Variants in STRN observed in about 807,000 individuals in gnomAD.
STRN encodes the protein striatin, also known as protein phosphatase 2 regulatory subunit B'''alpha.
A neutral mutation model predicts 96.3 loss-of-function variants in STRN; 53 were observed. The ratio of observed to expected loss-of-function variants is 0.55; its 90% CI spans 0.44 to 0.69. STRN has a LOEUF of 0.69. STRN is among the 30% of genes least tolerant of loss of function. STRN has a pLI of 0.00. For synonymous variants in STRN, 428 were observed against 355.9 expected (o/e 1.20, Z -2.28); for missense variants, 987 against 963.9 (o/e 1.02, Z -0.32).
chr2:36,846,232 C>T lies in STRN; in HGVS notation c.*3224G>A, dbSNP rs575671128. 6.7e-6 allele frequency: 1 copy of T among 149,942 alleles called. No homozygotes were observed. Among genetic ancestry groups the T allele is most frequent in the African/African-American group, 2.5e-5 (1 of 40,750 alleles). 9.3% of individuals were successfully genotyped at this position (149,942 alleles called of 1,614,324 possible). ...CAGTCTTTAAAACAAGCATGCTAGC[C>T]TATAATGAATATTGTATATACAGTA... On this transcript the variant is annotated 3_prime_UTR_variant, in exon 18 of 18. Coordinates refer to ENST00000263918, the MANE Select transcript of STRN (RefSeq NM_003162.4).
At chr2:36,865,631 G>A (rs923048440) in intron 12 of STRN, among the ~76,000 whole-genome samples, 1 of 151,794 alleles carries the variant, frequency 6.6e-6, no homozygotes, top group East Asian at 1.9e-4. Context: ...GTGGCATATC[G>A]GCTCACTGCA....
intron 12 of STRN, among the ~76,000 whole-genome samples, chr2:36,864,639 GT>G (rs1430683914): frequency 1.3e-5 from 2 of 152,144 alleles, no homozygotes; most frequent in Non-Finnish European, 2.9e-5. Context: ...TCTCTGCCAG[GT>G]TTTGGTATCA....
intron 1 of STRN, among the ~76,000 whole-genome samples, chr2:36,965,252 C>T (rs1249499814): frequency 6.6e-6 from 1 of 152,220 alleles, no homozygotes; most frequent in Admixed American, 6.5e-5. Context: ...CAGAAAGGCA[C>T]AACTATTCAT....
chr2:36,842,014 GA>G lies in STRN; in HGVS notation c.*7441del. On this transcript the variant is annotated 3_prime_UTR_variant, in exon 18 of 18. Coordinates refer to ENST00000263918, the MANE Select transcript of STRN (RefSeq NM_003162.4). ...CCAGCCCCCAAAATAAACTGTTTCT[GA>G]TAAAATTACTTTTGCTCTAAGTTAA... The G allele has an allele frequency of 6.6e-6, 1 of 152,284 alleles. No individual in the cohort carries two copies. The highest frequency in any genetic ancestry group is 2.4e-5 in the African/African-American group (1 of 41,554). The allele number at this position is 152,284 out of a possible 1,614,324, so 9.4% of individuals were successfully genotyped here.
In STRN at chr2:36,966,216, G is replaced by T; in HGVS notation, c.234+14C>A. The T allele has an allele frequency of 6.5e-7, 1 of 1,548,826 alleles. No individual in the cohort carries two copies. The highest frequency in any genetic ancestry group is 1.4e-5 in the African/African-American group (1 of 71,380). On this transcript the variant is annotated intron_variant, in intron 1 of 17. Transcript: ENST00000263918. ...GAGGCGGGATGAAGACGGCCAGGCCGGGAGGGTCTTTACCTGCAGCTCCGC... is the reference window on the plus strand; with the variant it reads ...GAGGCGGGATGAAGACGGCCAGGCCTGGAGGGTCTTTACCTGCAGCTCCGC...
At chr2:36,862,780 G>C (rs1003328303) in intron 12 of STRN, among the ~76,000 whole-genome samples, 9 of 151,664 alleles carry the variant, frequency 5.9e-5, no homozygotes, top group African/African-American at 1.5e-4. Flanking sequence ...TGTCACCCAG[G>C]CTGGAGTGCA....
intron 1 of STRN, among the ~76,000 whole-genome samples, chr2:36,965,606 G>C (rs1453782470): frequency 1.3e-5 from 2 of 152,082 alleles, no homozygotes; most frequent in African/African-American, 2.4e-5. Context: ...CATTCAAAAT[G>C]CATTAATTGG....
At chr2:36,882,069 T>A (rs972664207) in intron 9 of STRN, among the ~76,000 whole-genome samples, 2 of 152,170 alleles carry the variant, frequency 1.3e-5, no homozygotes, top group Non-Finnish European at 2.9e-5. Context: ...TATAATTGAC[T>A]CTAACAAATG....
At chr2:36,951,416 G>C (rs1371954256) in intron 1 of STRN, among the ~76,000 whole-genome samples, 1 of 152,210 alleles carries the variant, frequency 6.6e-6, no homozygotes, top group Non-Finnish European at 1.5e-5. Flanking sequence ...GCACTAAAAA[G>C]CTCTTTCCAG....
At chr2:36,892,619 A>G (rs1047090780) in intron 7 of STRN, among the ~76,000 whole-genome samples, 24 of 152,342 alleles carry the variant, frequency 1.6e-4, no homozygotes, top group African/African-American at 5.8e-4. Flanking sequence ...AAATAATTTT[A>G]AAATTCATAT....
At chr2:36,916,311 C>A (rs1260922496) in intron 2 of STRN, among the ~76,000 whole-genome samples, 160 bp from the exon 3 acceptor site, 2 of 152,070 alleles carry the variant, frequency 1.3e-5, no homozygotes, top group Non-Finnish European at 2.9e-5. Flanking sequence ...TACAAAAGTG[C>A]TTGCCTTTTC....
rs532654247 is a variant in STRN at position 36,839,559 on chromosome 2, T to C, written c.*9897A>G. On this transcript the variant is annotated 3_prime_UTR_variant, in exon 18 of 18. Transcript: ENST00000263918. ...ATTTTATTAGGTGTTTTACATCCGT[T>C]ATCTCAAATCAACCTAATTAGGCAG... is the stretch of plus-strand genomic sequence containing the variant. Among the ~76,000 whole-genome samples the C allele has an allele frequency of 6.6e-6, 1 of 152,344 alleles. No individual in the cohort carries two copies. Among genetic ancestry groups the C allele is most frequent in the South Asian group, 2.1e-4 (1 of 4,822 alleles).
rs558062165 is a variant in STRN, at chr2:36,878,212, C to T, written c.1187-185G>A. 3.9e-5 allele frequency among the ~76,000 whole-genome samples: 6 copies of T among 152,242 alleles called. No homozygotes were observed. The South Asian group carries it at 1.2e-3, about 32-fold the overall frequency. ...ATTTATTGCTTTTTCCATATCTTAA[C>T]CACAGGTAAAGGCATCAACTAATTA... On this transcript the variant is annotated intron_variant, in intron 9 of 17. Transcript: ENST00000263918.
chr2:36,857,475 G>C (rs1668374553), intron 14 of STRN, among the ~76,000 whole-genome samples: 1 of 151,856 alleles, frequency 6.6e-6, no homozygotes, highest in African/African-American at 2.4e-5. Flanking sequence ...AGGAGTTCCA[G>C]ACCAGCCTGG....
At chr2:36,907,227 G>A (rs1311518063) in intron 3 of STRN, among the ~76,000 whole-genome samples, 1 of 152,112 alleles carries the variant, frequency 6.6e-6, no homozygotes, top group Admixed American at 6.6e-5. Flanking sequence ...AATAGGGACT[G>A]GAAAAATTTA....
intron 3 of STRN, among the ~76,000 whole-genome samples, chr2:36,907,532 A>G (rs1272751153): frequency 6.6e-6 from 1 of 152,084 alleles, no homozygotes; most frequent in Admixed American, 6.6e-5. Flanking sequence ...TGGGTGACAG[A>G]GCAAGACTCT....
intron 1 of STRN, among the ~76,000 whole-genome samples, chr2:36,929,646 G>C (rs541465929): frequency 2.0e-5 from 3 of 152,096 alleles, no homozygotes; most frequent in Admixed American, 1.3e-4. Context: ...GCCTCCCTAA[G>C]CGCTGGGATT....
chr2:36,863,663 T>C (rs1668550737), intron 12 of STRN, among the ~76,000 whole-genome samples: 1 of 152,250 alleles, frequency 6.6e-6, no homozygotes, highest in South Asian at 2.1e-4. Context: ...GGTTTCCATA[T>C]GAATTTTAAA....
chr2:36,865,684 C>T (rs1387293347), intron 12 of STRN, among the ~76,000 whole-genome samples: 1 of 152,078 alleles, frequency 6.6e-6, no homozygotes, highest in Admixed American at 6.5e-5. Context: ...GCCTCAGCCT[C>T]CTGAGTAGCT....
Sources: gnomAD v4.1 joint callset for allele counts (sites outside exome capture counted in the v4.1 genomes callset) on GRCh38, gnomAD v4.1.1 for gene constraint, MANE v1.5 for transcripts, NCBI Gene and HGNC (gene_info 2026-07-23, HGNC 2026-07-21) for gene names.